Variants in FYB1 observed in about 807,000 individuals in gnomAD.
FYB1 encodes the protein FYN binding protein 1.
FYB1 carries 41 observed loss-of-function variants against 94.1 expected under a neutral mutation model. The ratio of observed to expected loss-of-function variants is 0.44; its 90% CI spans 0.34 to 0.57. FYB1 has a LOEUF of 0.57. FYB1 is among the 20% of genes least tolerant of loss of function. The probability of loss-of-function intolerance (pLI) is 0.02; values close to 1 mark genes in which losing one functional copy is unlikely to be tolerated. For missense variants in FYB1, 1,050 were observed against 976.8 expected (o/e 1.07, Z -1.00); for synonymous variants, 367 against 353.2 (o/e 1.04, Z -0.44).
intron 1 of FYB1, among the ~76,000 whole-genome samples, chr5:39,231,069 G>A (rs1416197190): frequency 6.7e-6 from 1 of 148,442 alleles, no homozygotes; most frequent in Non-Finnish European, 1.5e-5. Context: ...AAGATAATGA[G>A]CAGGAAGAGC....
chr5:39,243,516 C>A lies in FYB1; in HGVS notation c.-28+30887G>T, dbSNP rs1468131454. ...TTGGTCTATATCTCTGTTTTGGTAC[C>A]AGTACCATGCTGTTTTGGTGACTGT... On this transcript the variant is annotated intron_variant, in intron 1 of 1. Coordinates refer to the FYB1 transcript ENST00000510188. 2.7e-3 allele frequency among the ~76,000 whole-genome samples: 404 copies of A among 148,800 alleles called. 2 individuals are homozygous for A. Among genetic ancestry groups the A allele is most frequent in the Middle Eastern group, 0.01 (3 of 294 alleles).
At chr5:39,144,142 A>G (rs987675486) in intron 3 of FYB1, among the ~76,000 whole-genome samples, 1 of 152,244 alleles carries the variant, frequency 6.6e-6, no homozygotes, top group Non-Finnish European at 1.5e-5. Flanking sequence ...ATTCAGTTAG[A>G]CTTGTCACAT....
intron 1 of FYB1, among the ~76,000 whole-genome samples, chr5:39,233,777 A>G (rs1253346145): frequency 4.6e-5 from 7 of 152,160 alleles, no homozygotes. Flanking sequence ...ATGGCCTCAT[A>G]CAGACATGTA....
intron 9 of FYB1, 132 bp downstream of exon 9, chr5:39,134,076 T>C: frequency 1.7e-6 from 1 of 595,036 alleles, no homozygotes. Flanking sequence ...GTTGGGGTTA[T>C]TGTAAGTGGT....
chr5:39,126,031 T>A lies in FYB1; in HGVS notation c.2012A>T (p.Lys671Ile). The A allele has an allele frequency of 1.2e-6, 2 of 1,613,496 alleles. No homozygotes were observed. The highest frequency in any genetic ancestry group is 1.7e-6 in the Non-Finnish European group (2 of 1,179,654). ...DRKKSIREKP[K>I]VSDSDNNEGS... ...TTCATTATTGTCTGAGTCAGAGACT[T>A]TAGGTTTCTCTCGTATACTTTTCTT... The change falls in exon 12 of 19, where the codon AAA (lysine) becomes ATA (isoleucine). Residue 671 changes from lysine (K) to isoleucine (I), a missense_variant. Physicochemically the swap from Lys to Ile is moderately radical, Grantham distance 102 (BLOSUM62 -3). Transcript: ENST00000512982.
At chr5:39,134,799 T>A in intron 8 of FYB1, 56 bp downstream of exon 8, 2 of 1,585,912 alleles carry the variant, frequency 1.3e-6, no homozygotes, top group Non-Finnish European at 1.7e-6. Flanking sequence ...AATATGTACA[T>A]TGAATATTGC....
intron 1 of FYB1, among the ~76,000 whole-genome samples, chr5:39,259,985 C>T (rs1174734922): frequency 6.6e-6 from 1 of 151,842 alleles, no homozygotes; most frequent in Non-Finnish European, 1.5e-5. Context: ...GGTGACTCAA[C>T]ACATACGAAA....
At chr5:39,261,498 G>T (rs1311727888) in intron 1 of FYB1, among the ~76,000 whole-genome samples, 1 of 152,066 alleles carries the variant, frequency 6.6e-6, no homozygotes, top group Non-Finnish European at 1.5e-5. Context: ...TGTACTCCCA[G>T]CACTTTGGGA....
chr5:39,223,278 C>T (rs990326819), upstream of FYB1, among the ~76,000 whole-genome samples: 1 of 152,006 alleles, frequency 6.6e-6, no homozygotes, highest in Admixed American at 6.6e-5. Context: ...GTAGTATTTT[C>T]CCCTATCATT....
At chr5:39,258,335 C>T (rs1172515169) in intron 1 of FYB1, among the ~76,000 whole-genome samples, 1 of 152,132 alleles carries the variant, frequency 6.6e-6, no homozygotes, top group Non-Finnish European at 1.5e-5. Flanking sequence ...CGTGGTGGCT[C>T]ACACCTGTAA....
intron 1 of FYB1, chr5:39,210,947 G>A (rs890434462): frequency 1.3e-5 from 2 of 152,174 alleles, no homozygotes; most frequent in South Asian, 2.1e-4. Context: ...AATGGCGATA[G>A]GATGTAGAGA....
chr5:39,200,811 G>T (rs1008239596), intron 2 of FYB1, among the ~76,000 whole-genome samples: 1 of 152,098 alleles, frequency 6.6e-6, no homozygotes, highest in African/African-American at 2.4e-5. Flanking sequence ...ACCATACTTC[G>T]GTAAGGAGAA....
At chr5:39,145,271 T>G (rs1742545796) in intron 3 of FYB1, among the ~76,000 whole-genome samples, 1 of 152,194 alleles carries the variant, frequency 6.6e-6, no homozygotes, top group African/African-American at 2.4e-5. Context: ...TTTATGAGAG[T>G]CATTTAAATT....
At chr5:39,269,163 C>A (rs1752562617) in intron 1 of FYB1, among the ~76,000 whole-genome samples, 1 of 152,166 alleles carries the variant, frequency 6.6e-6, no homozygotes, top group South Asian at 2.1e-4. Context: ...CATTCTCCTG[C>A]CTCGGCCTCC....
intron 2 of FYB1, among the ~76,000 whole-genome samples, chr5:39,192,811 G>C (rs1747480566): frequency 1.3e-5 from 2 of 152,230 alleles, no homozygotes; most frequent in African/African-American, 4.8e-5. Flanking sequence ...AGGTCAAATT[G>C]AGTGTGCAGC....
intron 1 of FYB1, among the ~76,000 whole-genome samples, chr5:39,255,306 T>C (rs1751888761): frequency 6.6e-6 from 1 of 152,202 alleles, no homozygotes; most frequent in Non-Finnish European, 1.5e-5. Flanking sequence ...AAAAAAATTT[T>C]AAGCATTTGC....
chr5:39,181,878 T>A (rs1055727436), intron 2 of FYB1, among the ~76,000 whole-genome samples: 79 of 152,324 alleles, frequency 5.2e-4, no homozygotes, highest in African/African-American at 1.8e-3. Flanking sequence ...TAATTTTTTT[T>A]AATTGTGGTA....
At chr5:39,215,522 G>T (rs150636385) in intron 1 of FYB1, among the ~76,000 whole-genome samples, 162 of 152,310 alleles carry the variant, frequency 1.1e-3, no homozygotes, top group Non-Finnish European at 1.7e-3. Context: ...TCCTCTCAGG[G>T]ATCTTTGGGG....
chr5:39,247,115 T>TA (rs1191198793), intron 1 of FYB1, among the ~76,000 whole-genome samples: 5 of 120,638 alleles, frequency 4.1e-5, no homozygotes, highest in Non-Finnish European at 8.9e-5. Context: ...TATATATATA[T>TA]GACTATATAC....
Sources: allele counts gnomAD v4.1 joint callset (sites outside exome capture counted in the v4.1 genomes callset), GRCh38; gene constraint gnomAD v4.1.1; transcripts MANE v1.5; gene names NCBI Gene and HGNC (gene_info 2026-07-23, HGNC 2026-07-21).